Variants in GALNTL6 observed in about 807,000 individuals in gnomAD.
GALNTL6 encodes polypeptide N-acetylgalactosaminyltransferase-like 6.
A neutral mutation model predicts 73.7 loss-of-function variants in GALNTL6; 46 were observed. The observed-to-expected ratio is 0.62, with a 90% CI of 0.49 to 0.80. The LOEUF is 0.80. Among genes scored for constraint, GALNTL6 ranks in the 30% least tolerant of loss-of-function variants. GALNTL6 has a pLI of 0.00. For missense variants in GALNTL6, 604 were observed against 755.0 expected (o/e 0.80, Z 2.34); for synonymous variants, 259 against 263.7 (o/e 0.98, Z 0.17).
At chr4:172,666,191 A>G (rs1731650531) in intron 5 of GALNTL6, among the ~76,000 whole-genome samples, 1 of 152,174 alleles carries the variant, frequency 6.6e-6, no homozygotes. Context: ...ATTTTGATAC[A>G]TTCATTGTTT....
rs182596756 is a variant in GALNTL6 at position 172,182,512 on chromosome 4, A to T, written c.139-47144A>T. Among the ~76,000 whole-genome samples the T allele has an allele frequency of 6.7e-3, 1,006 of 149,402 alleles. 7 individuals carry two copies. The highest frequency in any genetic ancestry group is 0.014 in the Middle Eastern group (4 of 290). On this transcript the variant is annotated intron_variant, in intron 2 of 12. Coordinates refer to ENST00000506823, the MANE Select transcript of GALNTL6 (RefSeq NM_001034845.3). Reference sequence around the variant, plus strand: ...GGATATATTTAAATAAATATTTTATATTTAAAATACATAATTTAAATAATT... The same window carrying T: ...GGATATATTTAAATAAATATTTTATTTTTAAAATACATAATTTAAATAATT...
intron 12 of GALNTL6, among the ~76,000 whole-genome samples, chr4:173,035,648 G>A (rs115438788): frequency 1.4e-3 from 215 of 152,256 alleles, no homozygotes; most frequent in African/African-American, 4.9e-3. Flanking sequence ...TCTAGGCAAA[G>A]GACCTAAACA....
chr4:172,023,496 T>A (rs577266688), intron 2 of GALNTL6, among the ~76,000 whole-genome samples: 3 of 152,072 alleles, frequency 2.0e-5, no homozygotes, highest in Admixed American at 1.3e-4. Flanking sequence ...CTTTGAATGA[T>A]GTTTAAACTT....
intron 10 of GALNTL6, among the ~76,000 whole-genome samples, chr4:172,966,103 C>T (rs901937519): frequency 7.2e-5 from 11 of 152,144 alleles, no homozygotes; most frequent in African/African-American, 2.4e-4. Context: ...ACTGAACTAT[C>T]ATAGCAAAAT....
intron 7 of GALNTL6, among the ~76,000 whole-genome samples, chr4:172,882,155 T>C (rs1745488288): frequency 6.6e-6 from 1 of 152,186 alleles, no homozygotes; most frequent in Non-Finnish European, 1.5e-5. Flanking sequence ...TGAAAATTAT[T>C]ATTTAATCAA....
intron 5 of GALNTL6, among the ~76,000 whole-genome samples, chr4:172,596,325 C>T (rs1737852883): frequency 6.6e-6 from 1 of 151,788 alleles, no homozygotes; most frequent in Non-Finnish European, 1.5e-5. Flanking sequence ...GGCGTGGTGG[C>T]CTGTAGTCCC....
chr4:172,899,856 G>C (rs146286108), intron 8 of GALNTL6, among the ~76,000 whole-genome samples: 1 of 152,138 alleles, frequency 6.6e-6, no homozygotes, highest in Admixed American at 6.5e-5. Context: ...ACTTCCTACC[G>C]TTGCCATGGC....
intron 2 of GALNTL6, among the ~76,000 whole-genome samples, chr4:172,186,489 G>T (rs1735418399): frequency 6.6e-6 from 1 of 152,092 alleles, no homozygotes; most frequent in South Asian, 2.1e-4. Context: ...AATCACAATA[G>T]TCAAAGAGTG....
In GALNTL6 at chr4:171,840,364, C is replaced by T. The variant is rs117950760; in HGVS notation, c.138+25646C>T. Among the ~76,000 whole-genome samples, 41 of 151,984 alleles carry T rather than the reference C, an allele frequency of 2.7e-4. No individual in the cohort carries two copies. The East Asian group carries it at 7.8e-3, about 29-fold the overall frequency. The stretch of plus-strand genomic sequence containing the variant: ...AGTTGAGGTCTCAGCATCTCACAGT[C>T]ATACATGCGGAAATAAACATATTAA... On this transcript the variant is annotated intron_variant, in intron 2 of 12. Coordinates refer to ENST00000506823, the MANE Select transcript of GALNTL6 (RefSeq NM_001034845.3).
intron 5 of GALNTL6, among the ~76,000 whole-genome samples, chr4:172,375,392 G>A (rs574478426): frequency 3.9e-5 from 6 of 152,176 alleles, no homozygotes; most frequent in Non-Finnish European, 8.8e-5. Context: ...CTCAGGGTTT[G>A]TGGGTCAAAT....
intron 2 of GALNTL6, among the ~76,000 whole-genome samples, chr4:171,835,696 A>G (rs923394120): frequency 3.9e-5 from 6 of 152,020 alleles, no homozygotes; most frequent in African/African-American, 1.4e-4. Flanking sequence ...TCATTAATAA[A>G]TAAGAGCTTA....
At chr4:172,686,324 C>T (rs1732914393) in intron 5 of GALNTL6, among the ~76,000 whole-genome samples, 1 of 152,120 alleles carries the variant, frequency 6.6e-6, no homozygotes, top group African/African-American at 2.4e-5. Context: ...GACCCCCACC[C>T]CCACTCCCGC....
chr4:171,850,307 C>A (rs6818534), intron 2 of GALNTL6, among the ~76,000 whole-genome samples: 2 of 152,076 alleles, frequency 1.3e-5, no homozygotes, highest in Admixed American at 6.6e-5. Flanking sequence ...AAAGTAGGGA[C>A]GTGAAGTTAC....
intron 9 of GALNTL6, among the ~76,000 whole-genome samples, chr4:172,933,824 G>A (rs751398263): frequency 1.2e-4 from 18 of 152,304 alleles, no homozygotes; most frequent in South Asian, 8.3e-4. Context: ...GCCTCATCAG[G>A]AAATGGAGAT....
chr4:172,776,357 TAGG>T (rs1390613381), intron 5 of GALNTL6, among the ~76,000 whole-genome samples: 2 of 152,070 alleles, frequency 1.3e-5, no homozygotes, highest in Admixed American at 6.5e-5. Flanking sequence ...ATGCCAAAAA[TAGG>T]AGGATCAGCA....
rs979521499 is a variant in GALNTL6 at position 171,838,184 on chromosome 4, C to T, written c.138+23466C>T. On this transcript the variant is annotated intron_variant, in intron 2 of 12. Transcript: ENST00000506823. ...TTTTGCCCAGGCTGACGTGCAATGG[C>T]GCCATCTCGGCTCACTGCAACCTCT... Among the ~76,000 whole-genome samples the T allele has an allele frequency of 9.2e-5, 14 of 151,908 alleles. No homozygotes were observed. In the South Asian group the frequency reaches 1.7e-3, roughly 18 times the overall value.
chr4:171,940,548 G>A (rs940021890), intron 2 of GALNTL6, among the ~76,000 whole-genome samples: 8 of 152,056 alleles, frequency 5.3e-5, no homozygotes, highest in Admixed American at 2.6e-4. Flanking sequence ...AGGGCCAGGC[G>A]CAGTGGCTCA....
At chr4:172,027,528 C>G (rs1335015535) in intron 2 of GALNTL6, among the ~76,000 whole-genome samples, 1 of 152,084 alleles carries the variant, frequency 6.6e-6, no homozygotes, top group Non-Finnish European at 1.5e-5. Context: ...CCCTGTCTCT[C>G]TCTCTCTCTT....
At chr4:172,437,836 T>A (rs1731688451) in intron 5 of GALNTL6, among the ~76,000 whole-genome samples, 1 of 152,076 alleles carries the variant, frequency 6.6e-6, no homozygotes, top group Admixed American at 6.6e-5. Context: ...ACCGTCTGAG[T>A]CCCAGAATTT....
Sources: gnomAD v4.1 joint callset for allele counts (sites outside exome capture counted in the v4.1 genomes callset) on GRCh38, gnomAD v4.1.1 for gene constraint, MANE v1.5 for transcripts, NCBI Gene and HGNC (gene_info 2026-07-23, HGNC 2026-07-21) for gene names.